The following VWF variants were observed in gnomAD, a reference collection of about 807,000 sequenced individuals.
The protein encoded by VWF is Factor VIII related antigen.
A neutral mutation model predicts 308.6 loss-of-function variants in VWF; 176 were observed. The observed-to-expected ratio is 0.57, with a 90% CI of 0.50 to 0.65. The LOEUF is 0.65. Ranked by LOEUF, VWF falls within the 30% of genes least tolerant of loss-of-function variation. The pLI is 0.00. For missense variants in VWF, 3,146 were observed against 3,648.2 expected (o/e 0.86, Z 3.55); for synonymous variants, 1,385 against 1,443.4 (o/e 0.96, Z 0.92).
chr12:6,012,170 A>G, intron 32 of VWF, 40 bp from the exon 33 acceptor site: 1 of 1,612,014 alleles, frequency 6.2e-7, no homozygotes, highest in South Asian at 1.1e-5. Context: ...CCCATCTTTC[A>G]CCCAGAAATT....
chr12:5,949,015 T>C lies in VWF; in HGVS notation c.8442A>G (p.Ter2814TrpextTer38), dbSNP rs778161123. Reference sequence around the variant, plus strand: ...AGGCACCCATGCAGCTGCAGCAGCCTCACTTGCTGCACTTCCTGGGGGAGC... The same window carrying C: ...AGGCACCCATGCAGCTGCAGCAGCCCCACTTGCTGCACTTCCTGGGGGAGC... ...CKCSPRKCSK* is the reference protein window; with the variant it reads ...CKCSPRKCSKW The change falls in exon 52 of 52, where the codon TGA becomes TGG. Residue 2814 changes from the stop codon to tryptophan, a stop_lost. Coordinates refer to ENST00000261405, the MANE Select transcript of VWF (RefSeq NM_000552.5). 1 of 1,612,274 alleles carries C rather than the reference T, an allele frequency of 6.2e-7. No homozygotes were observed. The highest frequency in any genetic ancestry group is 8.5e-7 in the Non-Finnish European group (1 of 1,179,326).
At chr12:6,048,672 A>C (rs1405437973) in intron 16 of VWF, among the ~76,000 whole-genome samples, 1 of 151,212 alleles carries the variant, frequency 6.6e-6, no homozygotes, top group East Asian at 2.0e-4. Context: ...CATGTTGACC[A>C]GGCTGGTCTC....
At chr12:6,035,222 G>A (rs1035323644) in intron 19 of VWF, among the ~76,000 whole-genome samples, 2 of 152,216 alleles carry the variant, frequency 1.3e-5, no homozygotes, top group Admixed American at 6.5e-5. Context: ...GATGTTGAAA[G>A]CCTGAGGCTA....
At chr12:6,011,834 G>A in intron 33 of VWF, 40 bp from the exon 34 acceptor site, 2 of 1,520,566 alleles carry the variant, frequency 1.3e-6, no homozygotes. Context: ...GGAATAAGAT[G>A]AGGTACTCCA....
At chr12:5,996,301 C>T (rs1269826619) in intron 34 of VWF, 79 bp from the exon 35 acceptor site, 3 of 1,298,214 alleles carry the variant, frequency 2.3e-6, no homozygotes, top group African/African-American at 2.9e-5. Context: ...GCAGGTGTGA[C>T]CAAGTTGCAC....
intron 5 of VWF, among the ~76,000 whole-genome samples, chr12:6,103,385 C>CGTGTGTGTATACACACGT (rs1555075249): frequency 1.0e-4 from 12 of 114,364 alleles, no homozygotes; most frequent in South Asian, 9.7e-4. Flanking sequence ...TGTGTATACA[C>CGTGTGTGTATACACACGT]GTGTGTGTAT....
intron 16 of VWF, among the ~76,000 whole-genome samples, chr12:6,047,672 T>C (rs150925401): frequency 6.6e-6 from 1 of 152,262 alleles, no homozygotes; most frequent in Non-Finnish European, 1.5e-5. Context: ...GTGGTTGCTT[T>C]GTATGTATGT....
chr12:6,056,732 C>A, intron 15 of VWF, 125 bp downstream of exon 15: 1 of 837,672 alleles, frequency 1.2e-6, no homozygotes, highest in South Asian at 3.5e-5. Context: ...CCTCCCCACC[C>A]GTGTTTGTCA....
intron 34 of VWF, among the ~76,000 whole-genome samples, chr12:6,004,173 T>C (rs55999991): frequency 0.17 from 26,050 of 152,064 alleles, 2,714 homozygotes; most frequent in African/African-American, 0.28. Flanking sequence ...AAAATACTTA[T>C]GAATGTCAAA....
Position 6,061,301 on chromosome 12 carries a change from C to T in VWF, c.1533+1653G>A, listed in dbSNP as rs193052385. Among the ~76,000 whole-genome samples the T allele has an allele frequency of 5.6e-3, 858 of 152,126 alleles. 3 individuals carry two copies. The highest frequency in any genetic ancestry group is 9.6e-3 in the Non-Finnish European group (652 of 67,982). On this transcript the variant is annotated intron_variant, in intron 13 of 51. Transcript: ENST00000261405. ...AAGACTGGTCAGGAACCAGGAGACCCGAGTTCTGGTCCTTGCCCGGTAACT... is the reference window on the plus strand; with the variant it reads ...AAGACTGGTCAGGAACCAGGAGACCTGAGTTCTGGTCCTTGCCCGGTAACT...
At chr12:5,957,294 G>C (rs1445422029) in intron 47 of VWF, among the ~76,000 whole-genome samples, 1 of 152,142 alleles carries the variant, frequency 6.6e-6, no homozygotes, top group Admixed American at 6.6e-5. Context: ...CCATTGTTAA[G>C]CAACACGTGA....
intron 5 of VWF, among the ~76,000 whole-genome samples, chr12:6,096,566 A>G (rs1389336818): frequency 6.6e-6 from 1 of 152,222 alleles, no homozygotes; most frequent in Admixed American, 6.5e-5. Flanking sequence ...ATTCTTATAC[A>G]GTGGATTACG....
At chr12:6,007,330 C>T (rs1442827861) in intron 34 of VWF, among the ~76,000 whole-genome samples, 2 of 152,138 alleles carry the variant, frequency 1.3e-5, no homozygotes, top group African/African-American at 4.8e-5. Context: ...TGCTAGCCCA[C>T]GAAACAAATC....
chr12:6,047,741 C>G (rs948457548), intron 16 of VWF, among the ~76,000 whole-genome samples: 1 of 152,154 alleles, frequency 6.6e-6, no homozygotes, highest in East Asian at 1.9e-4. Flanking sequence ...CATCGAGCAC[C>G]GTGTTTGTAA....
At position 6,060,854 on chromosome 12, in the gene VWF, G is replaced by C. The variant is rs1944647544; in HGVS notation, c.1533+2100C>G. ...GTTACGGCCCTGCTGATCAAGGGGA[G>C]AAAGTGCATGGGTGGAGAGCACCCT... is the stretch of plus-strand genomic sequence containing the variant. On this transcript the variant is annotated intron_variant, in intron 13 of 51. Transcript: ENST00000261405. This position sits in a 1 kb window ranked among gnomAD's most constrained non-coding sequence, Gnocchi z 5.1. Among the ~76,000 whole-genome samples the C allele has an allele frequency of 6.6e-6, 1 of 152,190 alleles. No individual in the cohort carries two copies. Among genetic ancestry groups the C allele is most frequent in the Non-Finnish European group, 1.5e-5 (1 of 68,046 alleles).
Position 6,046,670 on chromosome 12 carries a change from G to C in VWF, c.2281+53C>G. ...AGCTCTCTCCCGCCATTCCACACGT[G>C]AGGAATCTGGGCAGGATGGAGTCAA... On this transcript the variant is annotated intron_variant, in intron 17 of 51. Transcript: ENST00000261405. This position sits in a 1 kb window ranked among gnomAD's most constrained non-coding sequence, Gnocchi z 5.0. 6.5e-7 allele frequency: 1 copy of C among 1,543,070 alleles called. No homozygotes were observed. The highest frequency in any genetic ancestry group is 1.1e-5 in the South Asian group (1 of 89,662).
At chr12:5,984,648 G>A (rs1565819364) in intron 40 of VWF, among the ~76,000 whole-genome samples, 1 of 152,258 alleles carries the variant, frequency 6.6e-6, no homozygotes, top group African/African-American at 2.4e-5. Flanking sequence ...TGCAAGGCTA[G>A]CATGAAAACC....
At position 5,994,073 on chromosome 12, in the gene VWF, C is replaced by A. The variant is rs1192883584; in HGVS notation, c.6387G>T (p.Glu2129Asp). The change falls in exon 37 of 52, where the codon GAG becomes GAT. Residue 2129 changes from glutamate (E) to aspartate (D), a missense_variant. Glu to Asp is a conservative substitution (Grantham distance 45). Transcript: ENST00000261405. ...PGQTCQPILE[E>D]QCLVPDSSHC... ...GGGAGCTGTCGGGGACAAGACACTGCTCCTCCAGGATGGGCTGGCACGTCT... is the reference window on the plus strand; with the variant it reads ...GGGAGCTGTCGGGGACAAGACACTGATCCTCCAGGATGGGCTGGCACGTCT... 6.2e-7 allele frequency: 1 copy of A among 1,614,186 alleles called. No homozygotes were observed. The highest frequency in any genetic ancestry group is 1.7e-5 in the Admixed American group (1 of 60,024).
At chr12:6,040,000 A>G (rs112962773) in intron 18 of VWF, among the ~76,000 whole-genome samples, 1,909 of 152,320 alleles carry the variant, frequency 0.013, 40 homozygotes, top group African/African-American at 0.041. Context: ...TCAGGAGACC[A>G]GAATTTCCAC....
Sources: gnomAD v4.1 joint callset for allele counts (sites outside exome capture counted in the v4.1 genomes callset) on GRCh38, gnomAD v4.1.1 for gene constraint, Gnocchi (gnomAD v3.1) non-coding constraint, MANE v1.5 for transcripts, NCBI Gene and HGNC (gene_info 2026-07-23, HGNC 2026-07-21) for gene names.